The following HSPA12A variants were observed in gnomAD, a reference collection of about 807,000 sequenced individuals.
The protein encoded by HSPA12A is heat shock protein family A (Hsp70) member 12A.
HSPA12A carries 28 observed loss-of-function variants against 69.2 expected under a neutral mutation model. The ratio of observed to expected loss-of-function variants is 0.40; its 90% CI spans 0.30 to 0.55. The LOEUF (loss-of-function observed/expected upper bound fraction) is 0.55, where lower values mean the gene tolerates loss of function less well. HSPA12A is among the 20% of genes least tolerant of loss of function. The probability of loss-of-function intolerance (pLI) is 0.38; values close to 1 mark genes in which losing one functional copy is unlikely to be tolerated. For missense variants in HSPA12A, 686 were observed against 900.7 expected, an observed-to-expected ratio of 0.76 and a Z score of 3.05; for synonymous variants, 345 against 370.5, an observed-to-expected ratio of 0.93 and a Z score of 0.79.
chr10:116,717,777 A>G (rs1011624971), intron 1 of HSPA12A, among the ~76,000 whole-genome samples: 2 of 152,220 alleles, frequency 1.3e-5, no homozygotes, highest in African/African-American at 4.8e-5. Context: ...GTCAGCAAAT[A>G]CATTTCCTTT....
chr10:116,831,014 A>T (rs1395821043), intron 2 of HSPA12A: 5 of 152,502 alleles, frequency 3.3e-5, no homozygotes, highest in Admixed American at 1.3e-4. Context: ...ACATTCTATG[A>T]TGTTCACACA....
At chr10:116,847,699 C>T (rs1231991294) in intron 1 of HSPA12A, among the ~76,000 whole-genome samples, 1 of 152,124 alleles carries the variant, frequency 6.6e-6, no homozygotes, top group Non-Finnish European at 1.5e-5. Flanking sequence ...GCAGCTATTC[C>T]ATCAGGTAAT....
At chr10:116,680,111 C>T (rs1849361858) in intron 9 of HSPA12A, among the ~76,000 whole-genome samples, 1 of 152,142 alleles carries the variant, frequency 6.6e-6, no homozygotes, top group South Asian at 2.1e-4. Flanking sequence ...CTGCTTCAGC[C>T]TCCCGAGTAG....
intron 2 of HSPA12A, chr10:116,832,401 C>T (rs575781513): frequency 1.2e-4 from 19 of 152,272 alleles, no homozygotes; most frequent in African/African-American, 2.9e-4. Context: ...CTCTTGACCT[C>T]GTGATCCGCC....
chr10:116,793,132 G>A, intron 2 of HSPA12A, among the ~76,000 whole-genome samples: 1 of 152,284 alleles, frequency 6.6e-6, no homozygotes. Context: ...CAAAAACTAC[G>A]AGAATTCTCC....
rs571003352 is a variant in HSPA12A at position 116,754,208 on chromosome 10, T to C, written c.92-46923A>G. ...GAAGTGGGCTCTTCCCTAACCAGCC[T>C]GTACCTGGACAGTCTTCACTCATAA... On this transcript the variant is annotated intron_variant, in intron 2 of 12. Transcript: ENST00000635765. 4.6e-5 allele frequency among the ~76,000 whole-genome samples: 7 copies of C among 152,312 alleles called. No individual in the cohort carries two copies. The South Asian group carries it at 8.3e-4, about 18-fold the overall frequency.
intron 6 of HSPA12A, among the ~76,000 whole-genome samples, 186 bp downstream of exon 6, chr10:116,692,165 C>A (rs1045401295): frequency 2.6e-5 from 4 of 152,178 alleles, no homozygotes; most frequent in African/African-American, 4.8e-5. Context: ...ATGGCTCCCC[C>A]AGGAGGAAGC....
At chr10:116,770,809 T>C (rs946765189) in intron 2 of HSPA12A, among the ~76,000 whole-genome samples, 1 of 152,184 alleles carries the variant, frequency 6.6e-6, no homozygotes, top group Admixed American at 6.5e-5. Flanking sequence ...ACCTCAACTT[T>C]CTGTGAATTT....
intron 2 of HSPA12A, among the ~76,000 whole-genome samples, chr10:116,793,482 G>C (rs1382759577): frequency 6.6e-6 from 1 of 152,078 alleles, no homozygotes; most frequent in Non-Finnish European, 1.5e-5. Flanking sequence ...GGGGTGGGAG[G>C]ACTGCTTGAA....
intron 2 of HSPA12A, among the ~76,000 whole-genome samples, chr10:116,787,946 T>C (rs1188931397): frequency 2.0e-5 from 3 of 151,674 alleles, no homozygotes; most frequent in Admixed American, 1.3e-4. Flanking sequence ...ATGGTGGAAG[T>C]TGGGGACAGT....
intron 1 of HSPA12A, among the ~76,000 whole-genome samples, chr10:116,711,832 G>GTT (rs60670342): frequency 0.089 from 12,955 of 145,686 alleles, 769 homozygotes; most frequent in East Asian, 0.26. Context: ...CCCAGCTAAT[G>GTT]TTTTTTTTTT....
At chr10:116,848,647 C>T (rs187417710) in intron 1 of HSPA12A, among the ~76,000 whole-genome samples, 31 of 152,242 alleles carry the variant, frequency 2.0e-4, no homozygotes, top group Middle Eastern at 3.4e-3. Context: ...GTTCTGTAAT[C>T]GCATGATACC....
At chr10:116,815,521 G>A (rs1234662134) in intron 2 of HSPA12A, among the ~76,000 whole-genome samples, 5 of 152,170 alleles carry the variant, frequency 3.3e-5, no homozygotes, top group Non-Finnish European at 7.3e-5. Context: ...ATGGCAGTGA[G>A]CCGAGATCAC....
chr10:116,848,686 C>T (rs1003740489), intron 1 of HSPA12A, among the ~76,000 whole-genome samples: 3 of 152,150 alleles, frequency 2.0e-5, no homozygotes, highest in African/African-American at 7.2e-5. Flanking sequence ...CAGGAAGGCA[C>T]TTCGGATTGA....
intron 2 of HSPA12A, among the ~76,000 whole-genome samples, chr10:116,774,040 C>T (rs1429079661): frequency 1.3e-5 from 2 of 150,300 alleles, no homozygotes; most frequent in Admixed American, 1.3e-4. Context: ...GACGGAGTCT[C>T]GCTCTGTCCC....
intron 2 of HSPA12A, among the ~76,000 whole-genome samples, chr10:116,762,382 C>T (rs564578475): frequency 5.5e-4 from 84 of 152,198 alleles, no homozygotes; most frequent in African/African-American, 1.9e-3. Flanking sequence ...AAATACATAC[C>T]TGATCATGGC....
At position 116,698,690 on chromosome 10, in the gene HSPA12A, T is replaced by C. The variant is rs1554881213; in HGVS notation, c.491A>G (p.Lys164Arg). 6 of 1,614,142 alleles carry C rather than the reference T, an allele frequency of 3.7e-6. No individual in the cohort carries two copies. The highest frequency in any genetic ancestry group is 5.1e-6 in the Non-Finnish European group (6 of 1,179,972). ...DLTAANGKKV[K>R]ALEIFAYALQ... ...GGCATAAGCAAAGATTTCAAGGGCT[T>C]TGACTTTCTTGCCATTTGCTGCCGT... The change falls in exon 5 of 12, where the codon AAA (lysine) becomes AGA (arginine). Residue 164 changes from lysine to arginine, a missense_variant. Lys to Arg is a conservative substitution (Grantham distance 26, BLOSUM62 2). Coordinates refer to ENST00000369209, the MANE Select transcript of HSPA12A (RefSeq NM_025015.3).
chr10:116,728,918 G>A (rs2133043111), intron 1 of HSPA12A, among the ~76,000 whole-genome samples: 1 of 152,278 alleles, frequency 6.6e-6, no homozygotes, highest in East Asian at 1.9e-4. Context: ...CCCCTCCAGG[G>A]GCCCATCTTA....
intron 1 of HSPA12A, among the ~76,000 whole-genome samples, chr10:116,842,041 G>A (rs1367383098): frequency 6.6e-6 from 1 of 152,158 alleles, no homozygotes; most frequent in Non-Finnish European, 1.5e-5. Context: ...GAAATCATCA[G>A]TTATAAGGCA....
Sources: gnomAD v4.1 joint callset for allele counts (sites outside exome capture counted in the v4.1 genomes callset) on GRCh38, gnomAD v4.1.1 for gene constraint, MANE v1.5 for transcripts, NCBI Gene and HGNC (gene_info 2026-07-23, HGNC 2026-07-21) for gene names.